Variants in NEGR1 observed in about 807,000 individuals in gnomAD.
The protein encoded by NEGR1 is IgLON family member 4.
In NEGR1, 10 loss-of-function variants were observed where a neutral mutation model predicts 40.9. The observed-to-expected ratio is 0.24, with a 90% CI of 0.15 to 0.42. The LOEUF (loss-of-function observed/expected upper bound fraction) is 0.42, where lower values mean the gene tolerates loss of function less well. Ranked by LOEUF, NEGR1 falls within the 10% of genes least tolerant of loss-of-function variation. The pLI, the probability that NEGR1 is intolerant of heterozygous loss-of-function variation, is 1.00. For synonymous variants in NEGR1, 185 were observed against 166.8 expected (o/e 1.11, Z -0.84); for missense variants, 352 against 438.9 (o/e 0.80, Z 1.77).
chr1:71,745,786 C>A (rs952609017), intron 3 of NEGR1, among the ~76,000 whole-genome samples: 4 of 152,084 alleles, frequency 2.6e-5, no homozygotes, highest in Non-Finnish European at 5.9e-5. Context: ...ATGTCAAAAA[C>A]CAAACAAACA....
intron 4 of NEGR1, among the ~76,000 whole-genome samples, chr1:71,678,676 T>C (rs1652726750): frequency 6.6e-6 from 1 of 152,168 alleles, no homozygotes; most frequent in African/African-American, 2.4e-5. Context: ...TTGTCTTATT[T>C]GTTCAACATT....
chr1:71,612,408 A>T (rs1031602920), intron 4 of NEGR1, among the ~76,000 whole-genome samples: 7 of 151,984 alleles, frequency 4.6e-5, no homozygotes, highest in Admixed American at 4.6e-4. Flanking sequence ...TTGTAGCATA[A>T]CTTTTTTTTT....
chr1:71,436,552 T>C (rs1311217204), intron 6 of NEGR1, among the ~76,000 whole-genome samples: 6 of 152,202 alleles, frequency 3.9e-5, no homozygotes, highest in Non-Finnish European at 8.8e-5. Context: ...ATTTGTACCA[T>C]ATGGAAATAT....
intron 2 of NEGR1, among the ~76,000 whole-genome samples, chr1:71,860,464 A>G (rs1024701205): frequency 6.6e-6 from 1 of 151,982 alleles, no homozygotes. Flanking sequence ...AGACCACTTT[A>G]TGTTTTGGGA....
chr1:72,094,628 T>G (rs1348863686), intron 1 of NEGR1, among the ~76,000 whole-genome samples: 1 of 152,148 alleles, frequency 6.6e-6, no homozygotes, highest in Admixed American at 6.5e-5. Context: ...TTCTCTTTAC[T>G]CCCTACCACT....
At chr1:72,067,739 A>G (rs950226928) in intron 1 of NEGR1, among the ~76,000 whole-genome samples, 1 of 152,118 alleles carries the variant, frequency 6.6e-6, no homozygotes, top group East Asian at 1.9e-4. Flanking sequence ...CTCTTAAAGT[A>G]TATCATTTAT....
intron 2 of NEGR1, among the ~76,000 whole-genome samples, chr1:71,887,105 A>G (rs1213459890): frequency 6.6e-6 from 1 of 152,258 alleles, no homozygotes; most frequent in African/African-American, 2.4e-5. Context: ...TTCTTACAAT[A>G]AAGTAAGCTA....
intron 1 of NEGR1, among the ~76,000 whole-genome samples, chr1:72,011,039 A>C (rs144307765): frequency 2.3e-3 from 346 of 152,292 alleles, no homozygotes; most frequent in African/African-American, 7.9e-3. Context: ...TAAAGTAACA[A>C]GAGAAAAATT....
At chr1:72,170,207 G>A (rs1651911208) in intron 1 of NEGR1, among the ~76,000 whole-genome samples, 2 of 152,224 alleles carry the variant, frequency 1.3e-5, no homozygotes, top group South Asian at 4.1e-4. Context: ...AGGAATAAAT[G>A]CTTCTTTTAT....
chr1:72,128,693 G>A (rs1650123691), intron 1 of NEGR1, among the ~76,000 whole-genome samples: 1 of 152,030 alleles, frequency 6.6e-6, no homozygotes, highest in Non-Finnish European at 1.5e-5. Context: ...AATGTAACGT[G>A]TCAACTTCAC....
At chr1:72,169,235 G>C (rs982173042) in intron 1 of NEGR1, among the ~76,000 whole-genome samples, 2 of 152,090 alleles carry the variant, frequency 1.3e-5, no homozygotes, top group African/African-American at 4.8e-5. Flanking sequence ...TACAATGTCT[G>C]TATTAGGAAA....
chr1:72,169,263 G>A (rs1651877606), intron 1 of NEGR1, among the ~76,000 whole-genome samples: 1 of 151,952 alleles, frequency 6.6e-6, no homozygotes, highest in African/African-American at 2.4e-5. Flanking sequence ...ATGTAAATCA[G>A]ATCTTTCAAA....
intron 3 of NEGR1, among the ~76,000 whole-genome samples, chr1:71,708,363 G>A (rs1291869798): frequency 6.6e-6 from 1 of 151,678 alleles, no homozygotes; most frequent in Non-Finnish European, 1.5e-5. Flanking sequence ...AAATGTATTT[G>A]GCATACTGAA....
chr1:71,903,005 A>C (rs1255687149), intron 2 of NEGR1, among the ~76,000 whole-genome samples: 1 of 151,864 alleles, frequency 6.6e-6, no homozygotes, highest in African/African-American at 2.4e-5. Context: ...AATGCTATTA[A>C]CCCTCTTTTA....
At chr1:72,175,886 CATT>C (rs1299598672) in intron 1 of NEGR1, among the ~76,000 whole-genome samples, 1 of 152,038 alleles carries the variant, frequency 6.6e-6, no homozygotes, top group Non-Finnish European at 1.5e-5. Context: ...GAGGCATGGA[CATT>C]ATAAATAAAA....
chr1:71,586,013 A>T (rs1220303676), intron 6 of NEGR1, among the ~76,000 whole-genome samples: 4 of 152,084 alleles, frequency 2.6e-5, no homozygotes, highest in African/African-American at 9.7e-5. Flanking sequence ...CCTCTCATTT[A>T]ATCTTCACAA....
At chr1:71,606,316 G>A (rs1432917697) in intron 5 of NEGR1, among the ~76,000 whole-genome samples, 1 of 152,130 alleles carries the variant, frequency 6.6e-6, no homozygotes, top group Non-Finnish European at 1.5e-5. Flanking sequence ...TTGGGCATGT[G>A]GGTCAGTCAT....
At chr1:72,279,742 T>C (rs1656180210) in intron 1 of NEGR1, among the ~76,000 whole-genome samples, 1 of 152,202 alleles carries the variant, frequency 6.6e-6, no homozygotes, top group Non-Finnish European at 1.5e-5. Flanking sequence ...TTAAGCTCTA[T>C]CTGTAATGGT....
At chr1:72,244,412 T>C (rs773218511) in intron 1 of NEGR1, among the ~76,000 whole-genome samples, 4 of 151,988 alleles carry the variant, frequency 2.6e-5, no homozygotes, top group Non-Finnish European at 5.9e-5. Flanking sequence ...TTTCAATATG[T>C]ACATACATAT....
Sources: gnomAD v4.1 joint callset for allele counts (sites outside exome capture counted in the v4.1 genomes callset) on GRCh38, gnomAD v4.1.1 for gene constraint, MANE v1.5 for transcripts, NCBI Gene and HGNC (gene_info 2026-07-23, HGNC 2026-07-21) for gene names.